SLC25A51: variants seen among roughly 807,000 people sequenced by gnomAD.
SLC25A51 encodes mitochondrial nicotinamide adenine dinucleotide transporter SLC25A51.
A neutral mutation model predicts 19.1 loss-of-function variants in SLC25A51; 11 were observed. The ratio of observed to expected loss-of-function variants is 0.58; its 90% CI spans 0.36 to 0.96. SLC25A51 has a LOEUF of 0.96. Ranked by LOEUF, SLC25A51 falls within the 40% of genes least tolerant of loss-of-function variation. SLC25A51 has a pLI of 0.01. For synonymous variants in SLC25A51, 105 were observed against 133.6 expected (o/e 0.79, Z 1.47); for missense variants, 201 against 365.4 (o/e 0.55, Z 3.67).
chr9:37,890,189 G>T (rs1468326481), intron 2 of SLC25A51, among the ~76,000 whole-genome samples: 2 of 151,992 alleles, frequency 1.3e-5, no homozygotes, highest in African/African-American at 4.8e-5. Context: ...TTTGAGACCA[G>T]TGTGGGCAAC....
At chr9:37,897,958 C>T (rs1395815499) in intron 2 of SLC25A51, among the ~76,000 whole-genome samples, 1 of 152,162 alleles carries the variant, frequency 6.6e-6, no homozygotes, top group Non-Finnish European at 1.5e-5. Context: ...ACATGAAGTG[C>T]AGGAGGCCTT....
chr9:37,889,730 G>A (rs1395130268), intron 2 of SLC25A51, among the ~76,000 whole-genome samples: 4 of 148,076 alleles, frequency 2.7e-5, no homozygotes, highest in Non-Finnish European at 5.9e-5. Flanking sequence ...ATAAGAGGTG[G>A]CTATACTAGA....
chr9:37,880,137 A>ACC (rs111904751), exon 4 of SLC25A51: 24,234 of 151,234 alleles, frequency 0.16, 2,084 homozygotes, highest in African/African-American at 0.22. Flanking sequence ...CTGGCGCAAA[A>ACC]CTGTCTCTAC....
At chr9:37,886,534 C>T (rs2118307317), downstream of SLC25A51, 3 of 968,284 alleles carry the variant, frequency 3.1e-6, no homozygotes, top group East Asian at 5.3e-5. Flanking sequence ...TTTAAAGAGG[C>T]ATCTAGGGAA....
At chr9:37,879,298 T>C (rs1831308014), downstream of SLC25A51, 2 of 225,762 alleles carry the variant, frequency 8.9e-6, no homozygotes, top group Admixed American at 5.6e-5. Context: ...CACACCAGAC[T>C]GAGGAGTTCA....
At chr9:37,886,027 C>G, downstream of SLC25A51, 1 of 1,613,572 alleles carries the variant, frequency 6.2e-7, no homozygotes, top group South Asian at 1.1e-5. Flanking sequence ...TTGCCCCTAT[C>G]TATGCTGACC....
downstream of SLC25A51, among the ~76,000 whole-genome samples, chr9:37,884,290 T>C (rs957747760): frequency 6.6e-6 from 1 of 152,232 alleles, no homozygotes; most frequent in Non-Finnish European, 1.5e-5. Flanking sequence ...TTTTGACAAA[T>C]AAGTTTTTGT....
At chr9:37,896,241 CG>C (rs1333875948) in intron 2 of SLC25A51, among the ~76,000 whole-genome samples, 2 of 152,134 alleles carry the variant, frequency 1.3e-5, no homozygotes, top group Non-Finnish European at 2.9e-5. Flanking sequence ...TAAATACCCA[CG>C]GGCGTTTGCG....
intron 3 of SLC25A51, chr9:37,881,398 G>A (rs1238318927): frequency 6.6e-6 from 1 of 152,214 alleles, no homozygotes; most frequent in Non-Finnish European, 1.5e-5. Context: ...GCTCACGCCT[G>A]TAATCCCAGA....
intron 1 of SLC25A51, among the ~76,000 whole-genome samples, chr9:37,900,491 A>G (rs1461007949): frequency 2.0e-5 from 3 of 151,340 alleles, no homozygotes; most frequent in Non-Finnish European, 4.4e-5. Context: ...TGTCACCCAG[A>G]CTGGAGTACG....
At chr9:37,903,496 G>A (rs898010630) in intron 1 of SLC25A51, 4 of 152,256 alleles carry the variant, frequency 2.6e-5, no homozygotes, top group African/African-American at 9.6e-5. Context: ...TGCTGTCGCA[G>A]AACAAGCACT....
chr9:37,899,638 T>A (rs1390580254), intron 2 of SLC25A51, among the ~76,000 whole-genome samples, 191 bp downstream of exon 2: 2 of 151,874 alleles, frequency 1.3e-5, no homozygotes, highest in African/African-American at 4.8e-5. Context: ...GTGTTGGGAT[T>A]ATGGGCATAA....
At chr9:37,903,023 G>A (rs766161200) in intron 1 of SLC25A51, among the ~76,000 whole-genome samples, 14 of 152,162 alleles carry the variant, frequency 9.2e-5, no homozygotes, top group Non-Finnish European at 1.8e-4. Flanking sequence ...AGCAATATCT[G>A]ATTTTAAAAT....
rs1429498570 is a variant in SLC25A51, at chr9:37,888,599, A to G, written c.-42-7T>C. The G allele has an allele frequency of 1.3e-6, 2 of 1,544,954 alleles. No individual in the cohort carries two copies. The highest frequency in any genetic ancestry group is 4.5e-5 in the East Asian group (2 of 44,504). On this transcript the variant is annotated splice_polypyrimidine_tract_variant and splice_region_variant and intron_variant, in intron 2 of 2. Coordinates refer to ENST00000242275, the MANE Select transcript of SLC25A51 (RefSeq NM_033412.4). The stretch of plus-strand genomic sequence containing the variant: ...ATGAAGGACTTTTTTTAACCTACAA[A>G]TAATAAATGACAACGGGTAAACCCG...
chr9:37,891,558 C>G (rs1831586538), intron 2 of SLC25A51, among the ~76,000 whole-genome samples: 1 of 152,140 alleles, frequency 6.6e-6, no homozygotes, highest in African/African-American at 2.4e-5. Context: ...GACCTTACCC[C>G]CAACCCTGTG....
At chr9:37,898,772 TAAGTC>T (rs1185336549) in intron 2 of SLC25A51, among the ~76,000 whole-genome samples, 1 of 152,156 alleles carries the variant, frequency 6.6e-6, no homozygotes, top group Non-Finnish European at 1.5e-5. Context: ...AGTCAACTGA[TAAGTC>T]AAACTGAGAG....
downstream of SLC25A51, among the ~76,000 whole-genome samples, chr9:37,882,947 G>C (rs1009388702): frequency 2.0e-5 from 3 of 152,116 alleles, no homozygotes; most frequent in Non-Finnish European, 2.9e-5. Context: ...AGGTTCAAGC[G>C]ATTCTCCTGC....
downstream of SLC25A51, chr9:37,886,196 C>T (rs928558211): frequency 8.5e-6 from 13 of 1,532,740 alleles, no homozygotes; most frequent in African/African-American, 9.5e-5. Flanking sequence ...AATGCGGCAG[C>T]CACAGACTGA....
At chr9:37,886,466 C>CTT (rs1041078386), downstream of SLC25A51, 134 of 1,437,442 alleles carry the variant, frequency 9.3e-5, no homozygotes, top group Non-Finnish European at 1.2e-4. Context: ...AGACTACAGC[C>CTT]TTTTATTTAT....
Sources: allele counts gnomAD v4.1 joint callset (sites outside exome capture counted in the v4.1 genomes callset), GRCh38; gene constraint gnomAD v4.1.1; transcripts MANE v1.5; gene names NCBI Gene and HGNC (gene_info 2026-07-23, HGNC 2026-07-21).